FLT4: variants seen among roughly 807,000 people sequenced by gnomAD.
FLT4 encodes fms related receptor tyrosine kinase 4, also known as vascular endothelial growth factor receptor 3.
Under a neutral mutation model 163.2 loss-of-function variants are expected in FLT4, and 30 were observed. The observed-to-expected ratio is 0.18, with a 90% CI of 0.14 to 0.25. The LOEUF is 0.25. Among genes scored for constraint, FLT4 ranks in the 10% least tolerant of loss-of-function variants. FLT4 has a pLI of 1.00. For missense variants in FLT4, 1,510 were observed against 1,863.8 expected, an observed-to-expected ratio of 0.81 and a Z score of 3.50; for synonymous variants, 884 against 789.5, an observed-to-expected ratio of 1.12 and a Z score of -2.01.
intron 7 of FLT4, 72 bp downstream of exon 7, chr5:180,629,187 A>C: frequency 1.3e-6 from 2 of 1,583,094 alleles, no homozygotes; most frequent in Admixed American, 3.3e-5. Flanking sequence ...TGGACTCCTG[A>C]GTGCTCAAGG....
Position 180,630,013 on chromosome 5 carries a change from C to T in FLT4, c.606G>A (p.Leu202=), listed in dbSNP as rs759809929. The T allele has an allele frequency of 1.2e-6, 2 of 1,612,832 alleles. No homozygotes were observed. Among genetic ancestry groups the T allele is most frequent in the Non-Finnish European group, 1.7e-6 (2 of 1,180,012 alleles). The stretch of plus-strand genomic sequence containing the variant: ...CCCAGGTGGTCTCGCACTGCAGGTA[C>T]AGGGCATCGTGCAGCAGTGGCGTGG... The part of the protein sequence containing the change: ...LVSTPLLHDA[L]YLQCETTWGD... The change falls in exon 5 of 30, where the codon CTG becomes CTA. Residue 202 remains leucine (L), a synonymous_variant. Transcript: ENST00000261937. The surrounding 1 kb of genome is among the most constrained non-coding windows in gnomAD (Gnocchi z 6.3).
intron 1 of FLT4, among the ~76,000 whole-genome samples, chr5:180,641,575 G>A (rs1765103515): frequency 1.3e-5 from 2 of 148,840 alleles, no homozygotes; most frequent in Non-Finnish European, 1.5e-5. Flanking sequence ...AGCTGGGGTT[G>A]GGCAGAGGGG....
At chr5:180,603,978 C>T (rs1182997047) in intron 29 of FLT4, among the ~76,000 whole-genome samples, 1 of 152,026 alleles carries the variant, frequency 6.6e-6, no homozygotes, top group African/African-American at 2.4e-5. Flanking sequence ...GCACTCCAGC[C>T]TGGGTGACAA....
intron 1 of FLT4, among the ~76,000 whole-genome samples, chr5:180,648,837 C>T (rs1251791740): frequency 1.3e-5 from 2 of 152,224 alleles, no homozygotes; most frequent in African/African-American, 4.8e-5. Flanking sequence ...ATCCGGGGAC[C>T]CCTGGCCTTC....
At chr5:180,618,322 C>G (rs559038359) in intron 21 of FLT4, among the ~76,000 whole-genome samples, 34 of 89,892 alleles carry the variant, frequency 3.8e-4, no homozygotes, top group African/African-American at 1.4e-3. Context: ...GGGACACCCA[C>G]GTCCTACTCC....
chr5:180,640,671 C>G (rs923989189), intron 1 of FLT4, among the ~76,000 whole-genome samples: 2 of 152,258 alleles, frequency 1.3e-5, no homozygotes, highest in African/African-American at 4.8e-5. Flanking sequence ...CCCAGCCCAG[C>G]CCAGTGAGAG....
chr5:180,607,267 A>G (rs547179336), intron 29 of FLT4, among the ~76,000 whole-genome samples: 94 of 152,330 alleles, frequency 6.2e-4, no homozygotes, highest in Middle Eastern at 6.8e-3. Context: ...TTGCCAAAAT[A>G]CATCCCAGCC....
rs566728134 is a variant in FLT4, at chr5:180,624,220, C to T, written c.1422-159G>A. ...CTGGGTGAGGGAGATGGGAAGGGGA[C>T]TTTGGTGTTTTTTTTTTTTTTTTGA... On this transcript the variant is annotated intron_variant, in intron 10 of 29. Transcript: ENST00000261937. Among the ~76,000 whole-genome samples the T allele has an allele frequency of 5.4e-5, 8 of 146,802 alleles. No homozygotes were observed. The South Asian group carries it at 1.7e-3, about 32-fold the overall frequency.
rs761831222 is a variant in FLT4, at chr5:180,629,904, G to GACAGCCCCGTTACTGGGAACGGGGC, written c.676+14_676+38dup. 1.3e-5 allele frequency: 21 copies of GACAGCCCCGTTACTGGGAACGGGGC among 1,612,658 alleles called. No individual in the cohort carries two copies. The African/African-American group carries it at 1.7e-4, about 13-fold the overall frequency. ...CACCCACTGAGGCCAGTGAGGCAGT[G>GACAGCCCCGTTACTGGGAACGGGGC]ACAGCCCCGTTACTGGGAACGGGGC... On this transcript the variant is annotated intron_variant, in intron 5 of 29. Transcript: ENST00000261937.
intron 23 of FLT4, 86 bp downstream of exon 23, chr5:180,616,281 C>T: frequency 1.3e-6 from 2 of 1,577,374 alleles, no homozygotes; most frequent in African/African-American, 1.3e-5. Flanking sequence ...CTGTGCCAGC[C>T]CTCCCTCTCC....
intron 1 of FLT4, among the ~76,000 whole-genome samples, chr5:180,640,538 C>T (rs1317722331): frequency 6.6e-6 from 1 of 152,252 alleles, no homozygotes; most frequent in Non-Finnish European, 1.5e-5. Context: ...GTGGCCTCCA[C>T]CACACCCCTC....
In FLT4 at chr5:180,621,007, C is replaced by T. The variant is rs761339590; in HGVS notation, c.2168G>A (p.Gly723Glu). Residue 723 changes from glycine (G) to glutamate (E), a missense_variant and splice_region_variant, in exon 15 of 30, where the codon GGA (glycine) becomes GAA (glutamate). This residue lies in a region of FLT4 where 878 missense variants were observed against 1,016.7 expected (regional missense o/e 0.86). Coordinates refer to ENST00000261937, the MANE Select transcript of FLT4 (RefSeq NM_182925.5). ...CTGGTTGGAGTCCGCCAAGTCGACT[C>T]CTGCAGGGGGTGGGGTGGAGGTGCG... ...KDERLLEEKS[G>E]VDLADSNQKL... is the part of the protein sequence containing the mutation. 1.2e-6 allele frequency: 2 copies of T among 1,611,564 alleles called. No homozygotes were observed. Among genetic ancestry groups the T allele is most frequent in the Admixed American group, 1.7e-5 (1 of 59,948 alleles).
chr5:180,612,243 T>C (rs1001545659), intron 26 of FLT4, among the ~76,000 whole-genome samples: 25 of 152,218 alleles, frequency 1.6e-4, no homozygotes, highest in African/African-American at 5.8e-4. Flanking sequence ...GGGACCAGCC[T>C]AGGATTCCCC....
rs1303103449 is a variant in FLT4 at position 180,636,141 on chromosome 5, C to A, written c.59-4363G>T. On this transcript the variant is annotated intron_variant, in intron 1 of 29. Coordinates refer to ENST00000261937, the MANE Select transcript of FLT4 (RefSeq NM_182925.5). The surrounding 1 kb of genome is among the most constrained non-coding windows in gnomAD (Gnocchi z 4.3). The stretch of plus-strand genomic sequence containing the variant: ...CACCTGCATCACTGCTGAGCAGGAC[C>A]ATCCATCGCGCTTGCCAACCCTTTT... Among the ~76,000 whole-genome samples, 1 of 151,992 alleles carries A rather than the reference C, an allele frequency of 6.6e-6. No homozygotes were observed. The highest frequency in any genetic ancestry group is 2.4e-5 in the African/African-American group (1 of 41,332).
intron 1 of FLT4, among the ~76,000 whole-genome samples, chr5:180,639,830 C>G (rs938180901): frequency 6.6e-6 from 1 of 152,196 alleles, no homozygotes; most frequent in Admixed American, 6.5e-5. Context: ...CTTCCCTTCC[C>G]GCAGCAGGAA....
chr5:180,639,730 C>A (rs138976496), intron 1 of FLT4, among the ~76,000 whole-genome samples: 2 of 152,148 alleles, frequency 1.3e-5, no homozygotes, highest in Non-Finnish European at 2.9e-5. Flanking sequence ...CAGCCTGCCA[C>A]GTCCAGAGGC....
rs558952234 is a variant in FLT4 at position 180,631,365 on chromosome 5, T to C, written c.155+317A>G. 2.1e-3 allele frequency among the ~76,000 whole-genome samples: 311 copies of C among 151,678 alleles called. 1 individual carries two copies. The highest frequency in any genetic ancestry group is 0.013 in the East Asian group (66 of 5,094). On this transcript the variant is annotated intron_variant, in intron 2 of 29. Transcript: ENST00000261937. ...GCGGGCACCTGTAGTCCCAGCTACT[T>C]GGGAGGCTGAGGCAGGAGAATGGCG...
At position 180,636,392 on chromosome 5, in the gene FLT4, A is replaced by G. The variant is rs1031463565; in HGVS notation, c.59-4614T>C. ...GGGCGGTTACTGCCCTCCACCCCAC[A>G]TGCCTGAACTCCTCGCAGCCACCTG... On this transcript the variant is annotated intron_variant, in intron 1 of 29. Coordinates refer to ENST00000261937, the MANE Select transcript of FLT4 (RefSeq NM_182925.5). This position sits in a 1 kb window ranked among gnomAD's most constrained non-coding sequence, Gnocchi z 4.3. 6.6e-5 allele frequency among the ~76,000 whole-genome samples: 10 copies of G among 151,838 alleles called. No homozygotes were observed. Among genetic ancestry groups the G allele is most frequent in the Non-Finnish European group, 1.3e-4 (9 of 67,948 alleles).
At chr5:180,618,969 AGGCGCCTCCATTCCCCCGCCGCCCGC>A in intron 20 of FLT4, 26 bp downstream of exon 20, 1 of 1,555,768 alleles carries the variant, frequency 6.4e-7, no homozygotes, top group South Asian at 1.2e-5. Flanking sequence ...TCCGCCGCAG[AGGCGCCTCCATTCCCCCGCCGCCCGC>A]GGCGCCCCGC....
Sources: gnomAD v4.1 joint callset for allele counts (sites outside exome capture counted in the v4.1 genomes callset) on GRCh38, gnomAD v4.1.1 for gene constraint, gnomAD v4.1.1 regional missense constraint, Gnocchi (gnomAD v3.1) non-coding constraint, MANE v1.5 for transcripts, NCBI Gene and HGNC (gene_info 2026-07-23, HGNC 2026-07-21) for gene names.